SRPK2: variants seen among roughly 807,000 people sequenced by gnomAD.
The protein encoded by SRPK2 is SRSF protein kinase 2.
In SRPK2, 21 loss-of-function variants were observed where a neutral mutation model predicts 90.8. That is an observed-to-expected ratio of 0.23 (90% CI 0.16 to 0.33). SRPK2 has a LOEUF of 0.33. SRPK2 is among the 10% of genes least tolerant of loss of function. The pLI, the probability that SRPK2 is intolerant of heterozygous loss-of-function variation, is 1.00. For missense variants in SRPK2, 620 were observed against 869.0 expected, an observed-to-expected ratio of 0.71 and a Z score of 3.60; for synonymous variants, 288 against 311.1, an observed-to-expected ratio of 0.93 and a Z score of 0.78.
At position 105,232,148 on chromosome 7, in the gene SRPK2, A is replaced by G. The variant is rs1176114971; in HGVS notation, c.72-28363T>C. On this transcript the variant is annotated intron_variant, in intron 2 of 15. Coordinates refer to ENST00000393651, the MANE Select transcript of SRPK2 (RefSeq NM_182692.3). ...AAGAATTCAAGGCATGAGCCACCAC[A>G]CCCAGACTAAAATTTATTTTTAAGA... 2.0e-5 allele frequency among the ~76,000 whole-genome samples: 3 copies of G among 152,162 alleles called. No individual in the cohort carries two copies. In the East Asian group the frequency reaches 5.8e-4, roughly 29 times the overall value.
chr7:105,139,680 C>A (rs1803414562), intron 11 of SRPK2, among the ~76,000 whole-genome samples: 1 of 152,200 alleles, frequency 6.6e-6, no homozygotes, highest in Admixed American at 6.5e-5. Flanking sequence ...ATGACCAAGG[C>A]AACTTACATT....
intron 2 of SRPK2, among the ~76,000 whole-genome samples, chr7:105,370,521 G>A (rs756874599): frequency 5.9e-5 from 9 of 151,556 alleles, no homozygotes; most frequent in East Asian, 1.9e-4. Context: ...TTATAATGCC[G>A]AAAAATATTT....
At chr7:105,325,962 G>A (rs1231467206) in intron 2 of SRPK2, among the ~76,000 whole-genome samples, 2 of 152,218 alleles carry the variant, frequency 1.3e-5, no homozygotes, top group East Asian at 1.9e-4. Flanking sequence ...ACAAGGCAAT[G>A]CTGAGGGGCC....
Position 105,387,461 on chromosome 7 carries a change from G to C in SRPK2, c.71+1187C>G, listed in dbSNP as rs914320113. On this transcript the variant is annotated intron_variant, in intron 2 of 15. Coordinates refer to ENST00000393651, the MANE Select transcript of SRPK2 (RefSeq NM_182692.3). ...ATATCCAATTTTTACCGACCAATTA[G>C]TTCTTCAACTCTTTAGGAAGTGCTT... is the stretch of plus-strand genomic sequence containing the variant. 4.0e-5 allele frequency among the ~76,000 whole-genome samples: 6 copies of C among 149,952 alleles called. No homozygotes were observed. The East Asian group carries it at 1.2e-3, about 29-fold the overall frequency.
intron 2 of SRPK2, among the ~76,000 whole-genome samples, chr7:105,384,189 T>C (rs1751551011): frequency 6.6e-6 from 1 of 152,178 alleles, no homozygotes; most frequent in East Asian, 1.9e-4. Context: ...ATAAACATAC[T>C]ATAAGGCAAA....
At chr7:105,292,644 T>C (rs1809210839) in intron 2 of SRPK2, among the ~76,000 whole-genome samples, 3 of 152,176 alleles carry the variant, frequency 2.0e-5, no homozygotes, top group South Asian at 2.1e-4. Context: ...TGGTGCCATA[T>C]TGGGACAGCG....
intron 2 of SRPK2, chr7:105,306,748 T>C (rs12534381): frequency 0.45 from 82,615 of 183,870 alleles, 20,710 homozygotes; most frequent in Non-Finnish European, 0.54. Flanking sequence ...GGAGAATAAC[T>C]TTTAAAAAGA....
chr7:105,289,092 T>C lies in SRPK2; in HGVS notation c.72-85307A>G, dbSNP rs536891434. Among the ~76,000 whole-genome samples, 6 of 114,188 alleles carry C rather than the reference T, an allele frequency of 5.3e-5. No homozygotes were observed. In the South Asian group the frequency reaches 1.5e-3, roughly 28 times the overall value. The allele number at this position is 114,188 out of a possible 152,430, so 74.9% of individuals were successfully genotyped here. On this transcript the variant is annotated intron_variant, in intron 2 of 15. Coordinates refer to ENST00000393651, the MANE Select transcript of SRPK2 (RefSeq NM_182692.3). ...TAACATGGTGAAACCCCATCTCTACTTAAAGCACAAAAAAAAAAAAAAAAA... is the reference window on the plus strand; with the variant it reads ...TAACATGGTGAAACCCCATCTCTACCTAAAGCACAAAAAAAAAAAAAAAAA...
chr7:105,159,448 C>CAAAAAAAAAAAAAAAAAAAAAA lies in SRPK2; in HGVS notation c.621+1037_621+1058dup, dbSNP rs765544583. Among the ~76,000 whole-genome samples the CAAAAAAAAAAAAAAAAAAAAAA allele has an allele frequency of 1.1e-3, 36 of 33,140 alleles. 2 individuals are homozygous for CAAAAAAAAAAAAAAAAAAAAAA. The highest frequency in any genetic ancestry group is 2.2e-3 in the Admixed American group (5 of 2,230). 21.7% of individuals were successfully genotyped at this position (33,140 alleles called of 152,430 possible). On this transcript the variant is annotated intron_variant, in intron 7 of 15. Coordinates refer to ENST00000393651, the MANE Select transcript of SRPK2 (RefSeq NM_182692.3). ...GGGTGACAGAGCGAGACTCCGTCTC[C>CAAAAAAAAAAAAAAAAAAAAAA]AAAAAAAAAAAAAAAAAAAAAAAAA... is the stretch of plus-strand genomic sequence containing the variant.
intron 2 of SRPK2, among the ~76,000 whole-genome samples, chr7:105,310,794 T>G (rs1399527996): frequency 6.6e-6 from 1 of 152,222 alleles, no homozygotes; most frequent in Non-Finnish European, 1.5e-5. Flanking sequence ...ATTCTACTTA[T>G]TTTTCCTTTG....
intron 3 of SRPK2, among the ~76,000 whole-genome samples, chr7:105,186,183 T>C (rs563267733): frequency 2.6e-5 from 4 of 152,236 alleles, no homozygotes; most frequent in Non-Finnish European, 4.4e-5. Context: ...CCCTTGCTTA[T>C]AGGTTTTTAC....
At chr7:105,169,836 G>A (rs1486734337) in intron 3 of SRPK2, among the ~76,000 whole-genome samples, 1 of 152,122 alleles carries the variant, frequency 6.6e-6, no homozygotes, top group Non-Finnish European at 1.5e-5. Flanking sequence ...TTATTTTTAA[G>A]ACAGGGTCTC....
chr7:105,214,241 T>A (rs1264531360), intron 2 of SRPK2, among the ~76,000 whole-genome samples: 2 of 152,200 alleles, frequency 1.3e-5, no homozygotes, highest in Admixed American at 1.3e-4. Context: ...TTAAGGAGCA[T>A]GAGCCTCTTC....
At chr7:105,228,028 G>T (rs1375639397) in intron 2 of SRPK2, among the ~76,000 whole-genome samples, 3 of 151,888 alleles carry the variant, frequency 2.0e-5, no homozygotes, top group Non-Finnish European at 4.4e-5. Context: ...AATATAAATG[G>T]TGAAAACCAA....
intron 2 of SRPK2, among the ~76,000 whole-genome samples, chr7:105,242,163 G>A (rs10233695): frequency 0.18 from 27,650 of 152,006 alleles, 3,182 homozygotes; most frequent in East Asian, 0.58. Context: ...CAACCTTAGA[G>A]CTCTAAGTTA....
chr7:105,265,725 T>A (rs1157774013), intron 2 of SRPK2, among the ~76,000 whole-genome samples: 1 of 152,076 alleles, frequency 6.6e-6, no homozygotes, highest in Non-Finnish European at 1.5e-5. Context: ...GATGAATTCA[T>A]TCATTCAACA....
At chr7:105,297,227 A>G (rs1809942519) in intron 2 of SRPK2, among the ~76,000 whole-genome samples, 6 of 152,222 alleles carry the variant, frequency 3.9e-5, no homozygotes, top group Admixed American at 3.9e-4. Context: ...AATATAAAGT[A>G]AAAACAAGCT....
At chr7:105,139,014 T>C (rs193249718) in intron 11 of SRPK2, among the ~76,000 whole-genome samples, 2 of 152,318 alleles carry the variant, frequency 1.3e-5, no homozygotes, top group Admixed American at 6.5e-5. Context: ...GATATACAGT[T>C]GTTTATTGTA....
chr7:105,317,508 G>C (rs1204057), intron 2 of SRPK2, among the ~76,000 whole-genome samples: 2,113 of 152,238 alleles, frequency 0.014, 52 homozygotes, highest in African/African-American at 0.048. Flanking sequence ...ACAAGCCTTG[G>C]TTATTCAAAT....
Sources: allele counts gnomAD v4.1 joint callset (sites outside exome capture counted in the v4.1 genomes callset), GRCh38; gene constraint gnomAD v4.1.1; transcripts MANE v1.5; gene names NCBI Gene and HGNC (gene_info 2026-07-23, HGNC 2026-07-21).